The following SLCO3A1 variants were observed in gnomAD, a reference collection of about 807,000 sequenced individuals.
SLCO3A1 encodes PGE1 transporter.
Under a neutral mutation model 63.1 loss-of-function variants are expected in SLCO3A1, and 27 were observed. The ratio of observed to expected loss-of-function variants is 0.43; its 90% confidence interval spans 0.32 to 0.59. The LOEUF (loss-of-function observed/expected upper bound fraction) is 0.59, where lower values mean the gene tolerates loss of function less well. Among genes scored for constraint, SLCO3A1 ranks in the 20% least tolerant of loss-of-function variants. SLCO3A1 has a pLI of 0.09. For missense variants in SLCO3A1, 773 were observed against 945.8 expected (o/e 0.82, Z 2.40); for synonymous variants, 473 against 409.9 (o/e 1.15, Z -1.86).
intron 2 of SLCO3A1, among the ~76,000 whole-genome samples, chr15:92,019,411 A>G (rs1275828710): frequency 4.6e-5 from 7 of 152,326 alleles, no homozygotes; most frequent in African/African-American, 7.2e-5. Flanking sequence ...CTAAGTGTTC[A>G]GTAAATATTA....
intron 2 of SLCO3A1, among the ~76,000 whole-genome samples, chr15:92,074,030 G>C (rs771660978): frequency 3.3e-5 from 5 of 152,202 alleles, no homozygotes; most frequent in African/African-American, 7.2e-5. Flanking sequence ...AATTAGCTGG[G>C]CATGGTGTCA....
intron 2 of SLCO3A1, among the ~76,000 whole-genome samples, chr15:91,932,186 A>G (rs1382266519): frequency 6.6e-6 from 1 of 152,164 alleles, no homozygotes; most frequent in East Asian, 1.9e-4. Flanking sequence ...CATACCTCCT[A>G]GTAGGTCAGT....
At chr15:91,975,911 C>G (rs1308274059) in intron 2 of SLCO3A1, among the ~76,000 whole-genome samples, 2 of 152,340 alleles carry the variant, frequency 1.3e-5, no homozygotes, top group African/African-American at 4.8e-5. Context: ...TGACCTTGGT[C>G]AGATCACTGA....
rs1899654338 is a variant in SLCO3A1 at position 91,942,415 on chromosome 15, T to A, written c.646+25957T>A. ...AGCTGTGCAGGTAAAACATGCCATT[T>A]AGCAGTGCTACTATGGCACAACTGC... is the stretch of plus-strand genomic sequence containing the variant. On this transcript the variant is annotated intron_variant, in intron 2 of 9. Transcript: ENST00000318445. This position sits in a 1 kb window ranked among gnomAD's most constrained non-coding sequence, Gnocchi z 4.1. 6.6e-6 allele frequency among the ~76,000 whole-genome samples: 1 copy of A among 152,214 alleles called. No individual in the cohort carries two copies. The highest frequency in any genetic ancestry group is 1.5e-5 in the Non-Finnish European group (1 of 68,036).
intron 1 of SLCO3A1, among the ~76,000 whole-genome samples, chr15:91,904,325 G>A (rs1487717024): frequency 6.6e-6 from 1 of 152,144 alleles, no homozygotes; most frequent in Non-Finnish European, 1.5e-5. Flanking sequence ...TACTCCTGGG[G>A]GAGCGAGACC....
chr15:92,123,133 A>G (rs903064151), intron 5 of SLCO3A1, among the ~76,000 whole-genome samples: 2 of 152,238 alleles, frequency 1.3e-5, no homozygotes, highest in African/African-American at 4.8e-5. Context: ...TCAGTTTAAA[A>G]GAAAAAGTAG....
intron 8 of SLCO3A1, chr15:92,148,798 A>T (rs1386983966): frequency 6.6e-6 from 1 of 152,256 alleles, no homozygotes; most frequent in Non-Finnish European, 1.5e-5. Context: ...ATAGCAGAAA[A>T]ACCTGAATTG....
chr15:92,073,025 A>G (rs1384940147), intron 2 of SLCO3A1, among the ~76,000 whole-genome samples: 1 of 152,114 alleles, frequency 6.6e-6, no homozygotes, highest in African/African-American at 2.4e-5. Flanking sequence ...CTTGACCTCC[A>G]CACATTCAGA....
At chr15:92,052,105 T>C (rs1249490391) in intron 2 of SLCO3A1, among the ~76,000 whole-genome samples, 2 of 152,126 alleles carry the variant, frequency 1.3e-5, no homozygotes, top group African/African-American at 4.8e-5. Context: ...CTCATCGCCA[T>C]ATCCCCAACC....
intron 1 of SLCO3A1, among the ~76,000 whole-genome samples, chr15:91,888,736 G>A (rs1185694196): frequency 6.6e-6 from 1 of 152,044 alleles, no homozygotes; most frequent in Non-Finnish European, 1.5e-5. Flanking sequence ...TAATCTTAGT[G>A]CTTTGGAAGA....
intron 2 of SLCO3A1, among the ~76,000 whole-genome samples, chr15:92,053,293 C>T (rs1261947311): frequency 6.6e-6 from 1 of 152,110 alleles, no homozygotes; most frequent in South Asian, 2.1e-4. Flanking sequence ...TTTTATAATA[C>T]ACTTTTTATT....
chr15:92,127,321 A>G (rs2047936955), intron 6 of SLCO3A1, among the ~76,000 whole-genome samples: 1 of 152,118 alleles, frequency 6.6e-6, no homozygotes, highest in African/African-American at 2.4e-5. Context: ...AGGTCTTACT[A>G]TAATGACGTT....
chr15:91,873,610 T>C (rs944942151), intron 1 of SLCO3A1, among the ~76,000 whole-genome samples: 1 of 151,868 alleles, frequency 6.6e-6, no homozygotes, highest in Non-Finnish European at 1.5e-5. Flanking sequence ...TAAAGTAAAT[T>C]ATAGAAATGA....
chr15:91,877,766 G>A (rs923718922), intron 1 of SLCO3A1, among the ~76,000 whole-genome samples: 9 of 152,150 alleles, frequency 5.9e-5, no homozygotes, highest in Admixed American at 5.9e-4. Context: ...GCAAAAAGGG[G>A]TGTGGTCTAT....
chr15:92,042,692 C>T (rs1279432285), intron 2 of SLCO3A1, among the ~76,000 whole-genome samples: 1 of 152,102 alleles, frequency 6.6e-6, no homozygotes, highest in Non-Finnish European at 1.5e-5. Context: ...AGGTGTTCAC[C>T]AGATAGCTGA....
chr15:92,104,670 C>CAAGCCA, intron 4 of SLCO3A1, 128 bp downstream of exon 4: 2 of 931,080 alleles, frequency 2.1e-6, no homozygotes, highest in Non-Finnish European at 3.1e-6. Flanking sequence ...TATTGGCTTG[C>CAAGCCA]ATGGCTGGCC....
At chr15:92,121,730 A>C (rs58627444) in intron 5 of SLCO3A1, among the ~76,000 whole-genome samples, 1,986 of 152,322 alleles carry the variant, frequency 0.013, 49 homozygotes, top group African/African-American at 0.045. Context: ...GAAATAGAGG[A>C]GTCTGCAGAG....
intron 7 of SLCO3A1, among the ~76,000 whole-genome samples, chr15:92,146,216 T>C (rs1420519376): frequency 1.3e-5 from 2 of 152,324 alleles, no homozygotes; most frequent in East Asian, 3.9e-4. Context: ...CTCCTCCCTT[T>C]GCCATCAGAA....
intron 2 of SLCO3A1, among the ~76,000 whole-genome samples, chr15:91,940,287 G>A (rs905840319): frequency 2.6e-5 from 4 of 152,094 alleles, no homozygotes; most frequent in African/African-American, 4.8e-5. Flanking sequence ...TCTGATACAC[G>A]TGCAATCCAA....
Sources: allele counts gnomAD v4.1 joint callset (sites outside exome capture counted in the v4.1 genomes callset), GRCh38; gene constraint gnomAD v4.1.1; non-coding constraint Gnocchi (gnomAD v3.1); transcripts MANE v1.5; gene names NCBI Gene and HGNC (gene_info 2026-07-23, HGNC 2026-07-21).